TBC1D15: variants seen among roughly 807,000 people sequenced by gnomAD.
TBC1D15 encodes TBC1 domain family member 15, also known as GAP for RAB7.
TBC1D15 carries 39 observed loss-of-function variants against 95.4 expected under a neutral mutation model. That is an observed-to-expected ratio of 0.41 (90% CI 0.32 to 0.53). TBC1D15 has a LOEUF of 0.53. Ranked by LOEUF, TBC1D15 falls within the 20% of genes least tolerant of loss-of-function variation. TBC1D15 has a pLI of 0.29. For missense variants in TBC1D15, 733 were observed against 794.3 expected, an observed-to-expected ratio of 0.92 and a Z score of 0.93; for synonymous variants, 258 against 261.3, an observed-to-expected ratio of 0.99 and a Z score of 0.12.
intron 5 of TBC1D15, among the ~76,000 whole-genome samples, chr12:71,888,381 G>T (rs1342535911): frequency 6.6e-6 from 1 of 151,806 alleles, no homozygotes; most frequent in Non-Finnish European, 1.5e-5. Context: ...CAGGAATATG[G>T]CTTGAACCTG....
rs561601019 is a variant in TBC1D15 at position 71,871,255 on chromosome 12, T to C, written c.31-815T>C. Among the ~76,000 whole-genome samples, 9 of 152,286 alleles carry C rather than the reference T, an allele frequency of 5.9e-5. No homozygotes were observed. The South Asian group carries it at 1.4e-3, about 25-fold the overall frequency. Reference sequence around the variant, plus strand: ...TATCATCTTCATGTACTTTTGGTCTTTTATGTGCTTTTTACATATAGAAGC... The same window carrying C: ...TATCATCTTCATGTACTTTTGGTCTCTTATGTGCTTTTTACATATAGAAGC... On this transcript the variant is annotated intron_variant, in intron 1 of 16. Transcript: ENST00000485960.
In TBC1D15 at chr12:71,885,036, AT is replaced by A. The variant is rs1478273114; in HGVS notation, c.554+19del. Reference sequence around the variant, plus strand: ...GTATTGTGTGAGTAAGTATCATATTATTTTCTACTTATTGAAACCAGATCAT... The same window carrying A: ...GTATTGTGTGAGTAAGTATCATATTATTTCTACTTATTGAAACCAGATCAT... On this transcript the variant is annotated intron_variant, in intron 5 of 16. Transcript: ENST00000485960. 1 of 1,609,668 alleles carries A rather than the reference AT, an allele frequency of 6.2e-7. No homozygotes were observed. Among genetic ancestry groups the A allele is most frequent in the East Asian group, 2.2e-5 (1 of 44,828 alleles).
intron 3 of TBC1D15, among the ~76,000 whole-genome samples, chr12:71,880,187 G>A (rs1054251718): frequency 3.9e-5 from 6 of 152,024 alleles, no homozygotes; most frequent in African/African-American, 1.4e-4. Context: ...AGGAAAAAAA[G>A]GATGAGGCTT....
chr12:71,904,980 T>TA (rs1900335858), intron 10 of TBC1D15, among the ~76,000 whole-genome samples: 1 of 152,206 alleles, frequency 6.6e-6, no homozygotes, highest in African/African-American at 2.4e-5. Context: ...AGCCTTTTTT[T>TA]AGCTACATCA....
chr12:71,861,047 G>T (rs1408685970), intron 1 of TBC1D15, among the ~76,000 whole-genome samples: 2 of 152,126 alleles, frequency 1.3e-5, no homozygotes, highest in Non-Finnish European at 2.9e-5. Context: ...TGCATCCTGG[G>T]ATAAATTGTG....
chr12:71,861,458 T>A (rs760140268), intron 1 of TBC1D15: 1 of 1,531,904 alleles, frequency 6.5e-7, no homozygotes, highest in South Asian at 1.3e-5. Context: ...TCCAGGACTT[T>A]ATCCATACTC....
At chr12:71,899,650 A>G (rs1298517505) in intron 10 of TBC1D15, among the ~76,000 whole-genome samples, 1 of 152,204 alleles carries the variant, frequency 6.6e-6, no homozygotes, top group Admixed American at 6.5e-5. Flanking sequence ...ATGAGACTCT[A>G]TTGGAGCATT....
At chr12:71,883,658 T>A (rs781285463) in intron 4 of TBC1D15, among the ~76,000 whole-genome samples, 2 of 152,148 alleles carry the variant, frequency 1.3e-5, no homozygotes, top group Non-Finnish European at 2.9e-5. Context: ...AACTTCCTTC[T>A]AAGTAGTTTA....
chr12:71,922,906 T>G (rs930048364), intron 16 of TBC1D15, 77 bp from the exon 17 acceptor site: 1 of 1,348,628 alleles, frequency 7.4e-7, no homozygotes, highest in Non-Finnish European at 1.0e-6. Context: ...CAATGTAGTC[T>G]TAAACAGAAG....
chr12:71,922,893 A>G (rs1005095223), intron 16 of TBC1D15, 90 bp from the exon 17 acceptor site: 16 of 1,193,062 alleles, frequency 1.3e-5, no homozygotes, highest in Non-Finnish European at 1.9e-5. Context: ...CAGATTCTGG[A>G]ATCAATGTAG....
chr12:71,872,802 A>G (rs1181554931), intron 2 of TBC1D15, 127 bp from the exon 3 acceptor site: 2 of 603,494 alleles, frequency 3.3e-6, no homozygotes, highest in African/African-American at 1.9e-5. Flanking sequence ...TGATTTACAT[A>G]TGATGTTAGC....
intron 11 of TBC1D15, among the ~76,000 whole-genome samples, chr12:71,910,997 A>G (rs904089689): frequency 1.3e-5 from 2 of 152,212 alleles, no homozygotes; most frequent in Admixed American, 6.5e-5. Flanking sequence ...GAAGACATTT[A>G]TGCAGCCAAA....
At chr12:71,870,936 A>G (rs746721700) in intron 1 of TBC1D15, among the ~76,000 whole-genome samples, 34 of 152,224 alleles carry the variant, frequency 2.2e-4, no homozygotes, top group Non-Finnish European at 3.7e-4. Flanking sequence ...TTGCTGACCC[A>G]TGATATTCTG....
intron 11 of TBC1D15, among the ~76,000 whole-genome samples, chr12:71,910,927 G>GA (rs1902099669): frequency 6.6e-6 from 1 of 151,952 alleles, no homozygotes; most frequent in East Asian, 1.9e-4. Context: ...AAATTTACAA[G>GA]AAAAAACAAA....
At chr12:71,896,164 T>A in intron 8 of TBC1D15, 89 bp downstream of exon 8, 1 of 1,343,896 alleles carries the variant, frequency 7.4e-7, no homozygotes, top group Non-Finnish European at 9.9e-7. Context: ...GTGTGTTTTT[T>A]TTTGTTGTTG....
At chr12:71,894,595 T>C in intron 6 of TBC1D15, 91 bp from the exon 7 acceptor site, 1 of 1,239,750 alleles carries the variant, frequency 8.1e-7, no homozygotes, top group Non-Finnish European at 1.1e-6. Context: ...TTTCTTTTCT[T>C]TTAAAAAGCT....
At chr12:71,853,737 G>C (rs1396157458) in intron 1 of TBC1D15, among the ~76,000 whole-genome samples, 1 of 152,028 alleles carries the variant, frequency 6.6e-6, no homozygotes, top group Admixed American at 6.6e-5. Context: ...GAGTCAGTTG[G>C]GTACTTTTGG....
chr12:71,869,356 C>T (rs1213069381), intron 1 of TBC1D15, among the ~76,000 whole-genome samples: 1 of 152,164 alleles, frequency 6.6e-6, no homozygotes, highest in Non-Finnish European at 1.5e-5. Context: ...AACCCCATCT[C>T]TACTAAAAAC....
At chr12:71,872,826 A>G (rs1027536845) in intron 2 of TBC1D15, 103 bp from the exon 3 acceptor site, 8 of 716,482 alleles carry the variant, frequency 1.1e-5, no homozygotes, top group Non-Finnish European at 1.8e-5. Context: ...TTTAAAATGT[A>G]GATATTTAAG....
Sources: gnomAD v4.1 joint callset for allele counts (sites outside exome capture counted in the v4.1 genomes callset) on GRCh38, gnomAD v4.1.1 for gene constraint, MANE v1.5 for transcripts, NCBI Gene and HGNC (gene_info 2026-07-23, HGNC 2026-07-21) for gene names.